IRAG1: variants seen among roughly 807,000 people sequenced by gnomAD.
The protein encoded by IRAG1 is inositol 1,4,5-triphosphate receptor associated 1, also known as IP3R-associated cGMP kinase substrate.
IRAG1 carries 62 observed loss-of-function variants against 106.2 expected under a neutral mutation model. The ratio of observed to expected loss-of-function variants is 0.58; its 90% confidence interval spans 0.48 to 0.72. The LOEUF is 0.72. Ranked by LOEUF, IRAG1 falls within the 30% of genes least tolerant of loss-of-function variation. The pLI, the probability that IRAG1 is intolerant of heterozygous loss-of-function variation, is 0.00. For synonymous variants in IRAG1, 462 were observed against 443.9 expected, an observed-to-expected ratio of 1.04 and a Z score of -0.51; for missense variants, 1,064 against 1,140.7, an observed-to-expected ratio of 0.93 and a Z score of 0.97.
At chr11:10,690,050 A>G (rs2135277285) in intron 1 of IRAG1, among the ~76,000 whole-genome samples, 1 of 152,348 alleles carries the variant, frequency 6.6e-6, no homozygotes, top group Non-Finnish European at 1.5e-5. Flanking sequence ...GAGCTGATTA[A>G]GCCCAGCCTT....
chr11:10,601,360 G>C (rs988750735), intron 14 of IRAG1, among the ~76,000 whole-genome samples: 4 of 152,210 alleles, frequency 2.6e-5, no homozygotes, highest in African/African-American at 9.6e-5. Context: ...AGTGGATGTA[G>C]GATGTGAGCA....
intron 2 of IRAG1, among the ~76,000 whole-genome samples, chr11:10,643,999 G>A (rs1564925218): frequency 1.3e-5 from 2 of 152,120 alleles, no homozygotes; most frequent in Non-Finnish European, 2.9e-5. Context: ...GCACTTCCAC[G>A]CTAAATTCTC....
intron 18 of IRAG1, among the ~76,000 whole-genome samples, chr11:10,584,148 T>C (rs1851680926): frequency 2.6e-5 from 4 of 152,256 alleles, no homozygotes; most frequent in African/African-American, 7.2e-5. Context: ...AATGTCGTCA[T>C]GGAGGAGTCC....
rs934331803 is a variant in IRAG1, at chr11:10,575,396, A to C, written c.*936T>G. 6.6e-6 allele frequency: 1 copy of C among 152,290 alleles called. No individual in the cohort carries two copies. The highest frequency in any genetic ancestry group is 2.1e-4 in the South Asian group (1 of 4,838). 9.4% of individuals were successfully genotyped at this position (152,290 alleles called of 1,614,324 possible). ...TGTTTTCAAAGAGAGAATAGGGAATAGATTGTGCTGTACAGCAGCTCAGAG... is the reference window on the plus strand; with the variant it reads ...TGTTTTCAAAGAGAGAATAGGGAATCGATTGTGCTGTACAGCAGCTCAGAG... On this transcript the variant is annotated 3_prime_UTR_variant, in exon 21 of 21. Coordinates refer to ENST00000423302, the MANE Select transcript of IRAG1 (RefSeq NM_130385.4).
intron 2 of IRAG1, among the ~76,000 whole-genome samples, chr11:10,648,693 A>G (rs192712012): frequency 7.2e-5 from 11 of 152,322 alleles, no homozygotes; most frequent in Admixed American, 5.9e-4. Flanking sequence ...CCCACTCAGG[A>G]CATAGCCTTA....
chr11:10,663,236 C>CA (rs1564934066), intron 1 of IRAG1, among the ~76,000 whole-genome samples: 2 of 151,874 alleles, frequency 1.3e-5, no homozygotes, highest in Non-Finnish European at 1.5e-5. Flanking sequence ...AATAAATAAG[C>CA]AAAAAAAGAA....
At chr11:10,623,960 A>G (rs1564913071) in intron 9 of IRAG1, 104 bp from the exon 10 acceptor site, 2 of 1,067,012 alleles carry the variant, frequency 1.9e-6, no homozygotes, top group East Asian at 4.9e-5. Context: ...TAGGTGGGAA[A>G]GCGGGGCAGC....
chr11:10,670,471 G>A (rs1162284724), intron 1 of IRAG1, among the ~76,000 whole-genome samples: 6 of 152,142 alleles, frequency 3.9e-5, no homozygotes, highest in African/African-American at 1.4e-4. Context: ...CTGGCCATAG[G>A]TCACTGTCAT....
chr11:10,667,578 GAGAAAAGCTGATAACC>G (rs1859885227), intron 1 of IRAG1, among the ~76,000 whole-genome samples: 1 of 152,196 alleles, frequency 6.6e-6, no homozygotes, highest in African/African-American at 2.4e-5. Context: ...ATGTCCAGAT[GAGAAAAGCTGATAACC>G]AGAAAATCGA....
chr11:10,625,921 G>A, intron 9 of IRAG1, 45 bp downstream of exon 9: 1 of 1,403,674 alleles, frequency 7.1e-7, no homozygotes. Flanking sequence ...AGCCCAGGGA[G>A]TACCTGGAGT....
At position 10,593,424 on chromosome 11, in the gene IRAG1, T is replaced by A; in HGVS notation, c.2175+68A>T. ...CCCCATTTGGTCACCCTCCCTGCCC[T>A]AGGACTGAGTACGAAGGAAAGGTTA... is the stretch of plus-strand genomic sequence containing the variant. On this transcript the variant is annotated intron_variant, in intron 17 of 20. Transcript: ENST00000423302. 5.7e-6 allele frequency: 8 copies of A among 1,405,108 alleles called. No individual in the cohort carries two copies. The South Asian group carries it at 8.5e-5, about 15-fold the overall frequency. 87.0% of individuals were successfully genotyped at this position (1,405,108 alleles called of 1,614,324 possible). A position where few individuals can be genotyped will look rare whatever the true frequency, so the allele number is the denominator to read the frequency against.
At chr11:10,629,860 G>T in intron 4 of IRAG1, 149 bp from the exon 5 acceptor site, 1 of 760,494 alleles carries the variant, frequency 1.3e-6, no homozygotes, top group African/African-American at 1.8e-5. Context: ...AGGGTTGCAT[G>T]GGGACAGACA....
intron 13 of IRAG1, among the ~76,000 whole-genome samples, 181 bp from the exon 14 acceptor site, chr11:10,603,432 G>A (rs1854199484): frequency 6.6e-6 from 1 of 152,102 alleles, no homozygotes; most frequent in African/African-American, 2.4e-5. Flanking sequence ...TTATAAGGAG[G>A]GTACAACCTA....
At chr11:10,687,365 T>C (rs1323910324) in intron 1 of IRAG1, 1 of 165,520 alleles carries the variant, frequency 6.0e-6, no homozygotes, top group Non-Finnish European at 1.3e-5. Flanking sequence ...TCTGTTTCTC[T>C]AGGGAATTAG....
In IRAG1 at chr11:10,628,611, G is replaced by T; in HGVS notation, c.652+140C>A. 2.9e-6 allele frequency: 2 copies of T among 697,006 alleles called. No individual in the cohort carries two copies. Among genetic ancestry groups the T allele is most frequent in the Non-Finnish European group, 4.6e-6 (2 of 437,940 alleles). 43.2% of individuals were successfully genotyped at this position (697,006 alleles called of 1,614,324 possible). ...CAGCAAATGCCCCCCCTGGAGAGGG[G>T]TCTTGCTCTGGGTGTGAAGGGGCCA... On this transcript the variant is annotated intron_variant, in intron 6 of 20. Transcript: ENST00000423302. The surrounding 1 kb of genome is among the most constrained non-coding windows in gnomAD (Gnocchi z 4.1).
intron 1 of IRAG1, among the ~76,000 whole-genome samples, chr11:10,681,182 C>T (rs1861224829): frequency 6.6e-6 from 1 of 152,156 alleles, no homozygotes; most frequent in African/African-American, 2.4e-5. Context: ...CCCACTACTC[C>T]TGTAGGGCAT....
At chr11:10,643,763 G>A (rs1015313197) in intron 2 of IRAG1, among the ~76,000 whole-genome samples, 2 of 142,240 alleles carry the variant, frequency 1.4e-5, no homozygotes, top group African/African-American at 5.0e-5. Flanking sequence ...CCTAAGCTCC[G>A]ACCGCATGCT....
chr11:10,610,309 ATC>A (rs1460419472), intron 10 of IRAG1, among the ~76,000 whole-genome samples: 4 of 152,374 alleles, frequency 2.6e-5, no homozygotes, highest in Non-Finnish European at 5.9e-5. Context: ...AGAAATTAAC[ATC>A]TGATTCCATA....
intron 2 of IRAG1, among the ~76,000 whole-genome samples, chr11:10,651,222 C>T (rs897103206): frequency 6.6e-6 from 1 of 152,122 alleles, no homozygotes; most frequent in Non-Finnish European, 1.5e-5. Context: ...GAAAATACGA[C>T]GAGGATGATG....
Sources: gnomAD v4.1 joint callset for allele counts (sites outside exome capture counted in the v4.1 genomes callset) on GRCh38, gnomAD v4.1.1 for gene constraint, Gnocchi (gnomAD v3.1) non-coding constraint, MANE v1.5 for transcripts, NCBI Gene and HGNC (gene_info 2026-07-23, HGNC 2026-07-21) for gene names.